The following FAM167A variants were observed in gnomAD, a reference collection of about 807,000 sequenced individuals.
FAM167A encodes the protein protein FAM167A.
Under a neutral mutation model 14.9 loss-of-function variants are expected in FAM167A, and 23 were observed. The ratio of observed to expected loss-of-function variants is 1.55; its 90% CI spans 1.11 to 2.19. The LOEUF is 2.19. Ranked by LOEUF, FAM167A falls within the 30% of genes most tolerant of loss-of-function variation. FAM167A has a pLI of 0.00. For missense variants in FAM167A, 401 were observed against 281.5 expected, an observed-to-expected ratio of 1.42 and a Z score of -3.04; for synonymous variants, 174 against 117.7, an observed-to-expected ratio of 1.48 and a Z score of -3.10.
At chr8:11,428,719 G>C (rs1258022399) in intron 2 of FAM167A, among the ~76,000 whole-genome samples, 1 of 152,216 alleles carries the variant, frequency 6.6e-6, no homozygotes, top group Non-Finnish European at 1.5e-5. Flanking sequence ...CAAAGAACAG[G>C]GTTTGTCCCC....
intron 1 of FAM167A, among the ~76,000 whole-genome samples, chr8:11,475,717 G>A (rs1360515853): frequency 2.0e-5 from 3 of 152,086 alleles, no homozygotes; most frequent in African/African-American, 4.8e-5. Context: ...CTATTTGCAG[G>A]TCCTAGAACA....
At chr8:11,432,861 C>T (rs1327695778) in intron 2 of FAM167A, among the ~76,000 whole-genome samples, 4 of 152,156 alleles carry the variant, frequency 2.6e-5, no homozygotes, top group Non-Finnish European at 5.9e-5. Context: ...GGCACAGATA[C>T]ACCATGGAAT....
intron 2 of FAM167A, chr8:11,438,127 G>T (rs150580860): frequency 1.3e-5 from 6 of 456,520 alleles, no homozygotes; most frequent in Non-Finnish European, 2.2e-5. Flanking sequence ...GTGGAGGCCG[G>T]TAGTGCTGAA....
At chr8:11,466,059 G>A (rs971245534) in intron 1 of FAM167A, among the ~76,000 whole-genome samples, 2 of 152,090 alleles carry the variant, frequency 1.3e-5, no homozygotes, top group Non-Finnish European at 2.9e-5. Context: ...GTGACTCAGG[G>A]TGCCCACCTT....
At chr8:11,450,400 G>A (rs1806975153) in intron 1 of FAM167A, among the ~76,000 whole-genome samples, 1 of 152,180 alleles carries the variant, frequency 6.6e-6, no homozygotes. Flanking sequence ...TATGAATCTG[G>A]GGTATCATCA....
chr8:11,456,162 G>A (rs200539637), intron 1 of FAM167A, among the ~76,000 whole-genome samples: 17 of 6,972 alleles, frequency 2.4e-3, no homozygotes, highest in South Asian at 0.011. Flanking sequence ...TGTGGGGGGT[G>A]GTTGCCTTGC....
At chr8:11,443,847 C>T in intron 2 of FAM167A, 184 bp downstream of exon 2, 2 of 728,650 alleles carry the variant, frequency 2.7e-6, no homozygotes, top group African/African-American at 3.5e-5. Flanking sequence ...TGGGTCCCCC[C>T]AGCCACATAC....
In FAM167A at chr8:11,439,569, TCTCTC is replaced by T. The variant is rs533619094; in HGVS notation, c.381+4457_381+4461del. ...TGATGAAAACTTGTCAAGGTTCTCT[TCTCTC>T]TCTCTAACAGCCATAAACACCTCCT... On this transcript the variant is annotated intron_variant, in intron 2 of 2. Coordinates refer to ENST00000284486, the MANE Select transcript of FAM167A (RefSeq NM_053279.3). 2.9e-5 allele frequency among the ~76,000 whole-genome samples: 4 copies of T among 138,666 alleles called. No homozygotes were observed. The East Asian group carries it at 1.0e-3, about 35-fold the overall frequency. 91.0% of individuals were successfully genotyped at this position (138,666 alleles called of 152,430 possible).
chr8:11,433,178 C>T (rs1304311091), intron 2 of FAM167A, among the ~76,000 whole-genome samples: 8 of 151,426 alleles, frequency 5.3e-5, no homozygotes, highest in African/African-American at 1.9e-4. Flanking sequence ...ACATTCTGCA[C>T]ATGTAATCCA....
At chr8:11,475,298 G>A (rs1189765996) in intron 1 of FAM167A, among the ~76,000 whole-genome samples, 1 of 152,174 alleles carries the variant, frequency 6.6e-6, no homozygotes, top group Non-Finnish European at 1.5e-5. Context: ...CCTTGTGCAT[G>A]CTCACAGAGT....
At chr8:11,429,241 TTAGCA>T (rs1805401855) in intron 2 of FAM167A, among the ~76,000 whole-genome samples, 3 of 152,250 alleles carry the variant, frequency 2.0e-5, no homozygotes, top group Admixed American at 2.0e-4. Flanking sequence ...CTAATTTCAC[TTAGCA>T]TAATGTCCTC....
intron 1 of FAM167A, among the ~76,000 whole-genome samples, chr8:11,457,997 AGT>A (rs1451990649): frequency 6.6e-6 from 1 of 152,202 alleles, no homozygotes; most frequent in Non-Finnish European, 1.5e-5. Flanking sequence ...GCAGATGTTC[AGT>A]GTGTGCTGAT....
intron 1 of FAM167A, among the ~76,000 whole-genome samples, chr8:11,459,982 C>G (rs1273080761): frequency 1.3e-5 from 2 of 152,238 alleles, no homozygotes; most frequent in African/African-American, 4.8e-5. Flanking sequence ...CCTGCCTCGG[C>G]CTCCCAAAGT....
intron 2 of FAM167A, among the ~76,000 whole-genome samples, chr8:11,433,260 A>C (rs565210495): frequency 9.2e-5 from 14 of 152,354 alleles, no homozygotes; most frequent in African/African-American, 3.4e-4. Flanking sequence ...TGGAAGCACA[A>C]GGAGCAACTC....
At chr8:11,455,181 A>C (rs200697987) in intron 1 of FAM167A, among the ~76,000 whole-genome samples, 1 of 75,976 alleles carries the variant, frequency 1.3e-5, no homozygotes, top group East Asian at 4.9e-4. Flanking sequence ...TGCCTTGCTG[A>C]GTGTGGGTGG....
chr8:11,471,538 C>T (rs1004849261), upstream of FAM167A, among the ~76,000 whole-genome samples: 8 of 152,274 alleles, frequency 5.3e-5, no homozygotes, highest in African/African-American at 1.9e-4. Flanking sequence ...CGGGTTGCAT[C>T]CCAGCTCCTC....
At chr8:11,468,861 TG>T (rs748551758), upstream of FAM167A, among the ~76,000 whole-genome samples, 4 of 152,196 alleles carry the variant, frequency 2.6e-5, no homozygotes, top group Non-Finnish European at 4.4e-5. Context: ...TGTCTTGCCC[TG>T]TGGCTCCCAT....
intron 2 of FAM167A, among the ~76,000 whole-genome samples, chr8:11,433,596 G>A (rs900695109): frequency 2.0e-5 from 3 of 152,200 alleles, no homozygotes; most frequent in Non-Finnish European, 4.4e-5. Context: ...GCCAACCAGA[G>A]GCGAAAGAGT....
Position 11,456,212 on chromosome 8 carries a change from T to G in FAM167A, c.-398+10414A>C, listed in dbSNP as rs1389544490. On this transcript the variant is annotated intron_variant, in intron 1 of 2. Transcript: ENST00000284486. ...AATGTGGGGGGTGGTTGCCTTGCTGTGTGAGTGTGAGTGAGTGTGGGGGGT... is the reference window on the plus strand; with the variant it reads ...AATGTGGGGGGTGGTTGCCTTGCTGGGTGAGTGTGAGTGAGTGTGGGGGGT... Among the ~76,000 whole-genome samples, 9 of 952 alleles carry G rather than the reference T, an allele frequency of 9.5e-3. 1 individual carries two copies. Among genetic ancestry groups the G allele is most frequent in the Admixed American group, 0.016 (1 of 62 alleles). The allele number at this position is 952 out of a possible 152,430, so 0.6% of individuals were successfully genotyped here. A position where few individuals can be genotyped will look rare whatever the true frequency, so the allele number is the denominator to read the frequency against.
Sources: allele counts gnomAD v4.1 joint callset (sites outside exome capture counted in the v4.1 genomes callset), GRCh38; gene constraint gnomAD v4.1.1; transcripts MANE v1.5; gene names NCBI Gene and HGNC (gene_info 2026-07-23, HGNC 2026-07-21).